Variants in RPRD1B observed in about 807,000 individuals in gnomAD.
RPRD1B encodes regulation of nuclear pre-mRNA domain-containing protein 1B.
In RPRD1B, 11 loss-of-function variants were observed where a neutral mutation model predicts 41.5. The observed-to-expected ratio is 0.27, with a 90% CI of 0.17 to 0.44. RPRD1B has a LOEUF of 0.44. Among genes scored for constraint, RPRD1B ranks in the 20% least tolerant of loss-of-function variants. The probability of loss-of-function intolerance (pLI) is 1.00; values close to 1 mark genes in which losing one functional copy is unlikely to be tolerated. For missense variants in RPRD1B, 248 were observed against 389.9 expected (o/e 0.64, Z 3.06); for synonymous variants, 158 against 155.6 (o/e 1.02, Z -0.12).
At chr20:38,039,786 T>G (rs549481808) in intron 1 of RPRD1B, among the ~76,000 whole-genome samples, 2 of 148,760 alleles carry the variant, frequency 1.3e-5, no homozygotes, top group African/African-American at 5.0e-5. Context: ...CAAGCTGGAG[T>G]ACAGTAGTGC....
intron 1 of RPRD1B, among the ~76,000 whole-genome samples, chr20:38,038,498 T>TG (rs1300951125): frequency 0.058 from 7,986 of 136,652 alleles, 431 homozygotes; most frequent in African/African-American, 0.13. Context: ...TTGTTTTTTT[T>TG]TTTTTTTTTT....
intron 5 of RPRD1B, among the ~76,000 whole-genome samples, chr20:38,063,859 G>GTTT: frequency 6.6e-6 from 1 of 152,262 alleles, no homozygotes; most frequent in Admixed American, 6.5e-5. Flanking sequence ...TTTTCACTGC[G>GTTT]TATTTGTATA....
intron 6 of RPRD1B, among the ~76,000 whole-genome samples, chr20:38,075,200 GC>G (rs1318043583): frequency 1.3e-5 from 2 of 152,170 alleles, no homozygotes; most frequent in Admixed American, 1.3e-4. Context: ...CACGGTCTCT[GC>G]CACCAGAATG....
At chr20:38,042,174 G>C (rs1220094911) in intron 2 of RPRD1B, among the ~76,000 whole-genome samples, 1 of 152,166 alleles carries the variant, frequency 6.6e-6, no homozygotes, top group East Asian at 1.9e-4. Context: ...AGCATAGTGA[G>C]ACCCTGTGTC....
chr20:38,049,910 A>G (rs1052487548), intron 3 of RPRD1B: 2 of 462,380 alleles, frequency 4.3e-6, no homozygotes, highest in Non-Finnish European at 9.0e-6. Context: ...TCTTTGGCCA[A>G]ACTGAATTGC....
At chr20:38,052,717 G>C (rs2074198854) in intron 3 of RPRD1B, among the ~76,000 whole-genome samples, 1 of 138,726 alleles carries the variant, frequency 7.2e-6, no homozygotes, top group Non-Finnish European at 1.5e-5. Flanking sequence ...CGATCAATTA[G>C]TTGTAAACAC....
chr20:38,056,609 A>C (rs955290213), intron 3 of RPRD1B, among the ~76,000 whole-genome samples: 1 of 152,164 alleles, frequency 6.6e-6, no homozygotes, highest in Non-Finnish European at 1.5e-5. Context: ...GGTGCTAAGT[A>C]ATTTGAGTGC....
intron 5 of RPRD1B, among the ~76,000 whole-genome samples, chr20:38,064,643 A>T (rs188710551): frequency 6.6e-5 from 10 of 152,344 alleles, no homozygotes; most frequent in African/African-American, 2.4e-4. Context: ...TTTCTTAATT[A>T]TGAGCCTTTG....
chr20:38,063,667 G>A lies in RPRD1B; in HGVS notation c.656-2414G>A, dbSNP rs143587857. On this transcript the variant is annotated intron_variant, in intron 5 of 6. Coordinates refer to ENST00000373433, the MANE Select transcript of RPRD1B (RefSeq NM_021215.4). ...GGAGGGAGAGAGAGAATTTGCTGAG[G>A]TAGAGAAGACATGGGACGGCTGCAG... is the stretch of plus-strand genomic sequence containing the variant. 8.3e-3 allele frequency among the ~76,000 whole-genome samples: 1,267 copies of A among 152,230 alleles called. 10 individuals carry two copies. The highest frequency in any genetic ancestry group is 0.025 in the African/African-American group (1,041 of 41,540).
At chr20:38,070,602 A>G (rs2074402128) in intron 6 of RPRD1B, 1 of 985,384 alleles carries the variant, frequency 1.0e-6, no homozygotes, top group Non-Finnish European at 1.2e-6. Context: ...AGCGTGAATA[A>G]AGCATGATAC....
chr20:38,085,758 C>G (rs1227332254), intron 6 of RPRD1B: 1 of 152,596 alleles, frequency 6.6e-6, no homozygotes. Context: ...CAAGACCCAA[C>G]TGAGAGAGCT....
Position 38,091,142 on chromosome 20 carries a change from G to A in RPRD1B, c.*1267G>A. On this transcript the variant is annotated 3_prime_UTR_variant, in exon 7 of 7. Coordinates refer to ENST00000373433, the MANE Select transcript of RPRD1B (RefSeq NM_021215.4). Reference sequence around the variant, plus strand: ...ATTCTAATTTGGCAGGCTTATTTTTGACATTGGAAAGGGCAGAAAGCGATT... The same window carrying A: ...ATTCTAATTTGGCAGGCTTATTTTTAACATTGGAAAGGGCAGAAAGCGATT... 8 of 985,770 alleles carry A rather than the reference G, an allele frequency of 8.1e-6. No individual in the cohort carries two copies. Among genetic ancestry groups the A allele is most frequent in the Non-Finnish European group, 8.4e-6 (7 of 829,908 alleles). The allele number at this position is 985,770 out of a possible 1,614,324, so 61.1% of individuals were successfully genotyped here.
chr20:38,071,096 A>G (rs557971596), intron 6 of RPRD1B, among the ~76,000 whole-genome samples: 12 of 152,348 alleles, frequency 7.9e-5, no homozygotes, highest in African/African-American at 2.9e-4. Context: ...GAAAGCAGAT[A>G]GTCCTGTGTT....
chr20:38,048,016 C>G (rs968669986), intron 2 of RPRD1B, among the ~76,000 whole-genome samples: 4 of 152,106 alleles, frequency 2.6e-5, no homozygotes, highest in African/African-American at 9.7e-5. Flanking sequence ...TAATTTCCAG[C>G]AGAATGTCTG....
chr20:38,060,041 G>A (rs534240032), intron 5 of RPRD1B, among the ~76,000 whole-genome samples: 1 of 152,180 alleles, frequency 6.6e-6, no homozygotes, highest in South Asian at 2.1e-4. Context: ...CACGATTCCT[G>A]CTTTCCTTAT....
chr20:38,072,499 C>A (rs1377584353), intron 6 of RPRD1B, among the ~76,000 whole-genome samples: 1 of 152,184 alleles, frequency 6.6e-6, no homozygotes, highest in East Asian at 1.9e-4. Flanking sequence ...TTTAGGATCG[C>A]TTGCAATTCC....
chr20:38,052,713 A>G (rs1025708142), intron 3 of RPRD1B, among the ~76,000 whole-genome samples: 2 of 150,710 alleles, frequency 1.3e-5, no homozygotes, highest in African/African-American at 2.4e-5. Flanking sequence ...ATTGCGATCA[A>G]TTAGTTGTAA....
intron 6 of RPRD1B, among the ~76,000 whole-genome samples, chr20:38,087,540 C>G (rs2074573394): frequency 1.3e-5 from 2 of 152,120 alleles, no homozygotes; most frequent in South Asian, 4.1e-4. Flanking sequence ...CAGCTTTGGT[C>G]AGAGAATTCA....
rs545714902 is a variant in RPRD1B, at chr20:38,043,720, G to A, written c.281+3156G>A. Among the ~76,000 whole-genome samples the A allele has an allele frequency of 6.6e-4, 101 of 152,306 alleles. 1 individual carries two copies. Among genetic ancestry groups the A allele is most frequent in the Admixed American group, 1.2e-3 (19 of 15,296 alleles). On this transcript the variant is annotated intron_variant, in intron 2 of 6. Coordinates refer to ENST00000373433, the MANE Select transcript of RPRD1B (RefSeq NM_021215.4). ...TGTAAAACTGATAGGATTTATAGGC[G>A]TTGAGTGGGAGCTGGTAGTAAGTGA...
Sources: gnomAD v4.1 joint callset for allele counts (sites outside exome capture counted in the v4.1 genomes callset) on GRCh38, gnomAD v4.1.1 for gene constraint, MANE v1.5 for transcripts, NCBI Gene and HGNC (gene_info 2026-07-23, HGNC 2026-07-21) for gene names.